The following BNC2 variants were observed in gnomAD, a reference collection of about 807,000 sequenced individuals.
BNC2 encodes the protein basonuclin zinc finger protein 2.
Under a neutral mutation model 76.3 loss-of-function variants are expected in BNC2, and 20 were observed. The observed-to-expected ratio is 0.26, with a 90% CI of 0.18 to 0.38. The LOEUF (loss-of-function observed/expected upper bound fraction) is 0.38. Among genes scored for constraint, BNC2 ranks in the 10% least tolerant of loss-of-function variants. The pLI, the probability that BNC2 is intolerant of heterozygous loss-of-function variation, is 1.00. For missense variants in BNC2, 1,382 were observed against 1,399.8 expected, an observed-to-expected ratio of 0.99 and a Z score of 0.20; for synonymous variants, 582 against 514.8, an observed-to-expected ratio of 1.13 and a Z score of -1.77.
intron 1 of BNC2, among the ~76,000 whole-genome samples, chr9:16,765,115 CCA>C (rs1365626655): frequency 6.6e-6 from 1 of 152,136 alleles, no homozygotes; most frequent in East Asian, 1.9e-4. Context: ...TTTGTACTAT[CCA>C]CACTCTATCG....
At chr9:16,498,634 A>G (rs933708141) in intron 5 of BNC2, among the ~76,000 whole-genome samples, 12 of 151,722 alleles carry the variant, frequency 7.9e-5, no homozygotes, top group African/African-American at 1.7e-4. Flanking sequence ...GTAACCAAAT[A>G]CCACCTGTAC....
Position 16,479,072 on chromosome 9 carries a change from T to C in BNC2, c.670-41548A>G, listed in dbSNP as rs1031853696. ...TTCGAGACCAGCCTGGTCAACATGGTGAAACCCTGTCTCTACCAAAAAAAT... is the reference window on the plus strand; with the variant it reads ...TTCGAGACCAGCCTGGTCAACATGGCGAAACCCTGTCTCTACCAAAAAAAT... On this transcript the variant is annotated intron_variant, in intron 5 of 6. Transcript: ENST00000380672. 1.7e-4 allele frequency among the ~76,000 whole-genome samples: 26 copies of C among 151,876 alleles called. 1 individual carries two copies.
At chr9:16,815,513 T>C (rs1368170525) in intron 1 of BNC2, among the ~76,000 whole-genome samples, 8 of 152,200 alleles carry the variant, frequency 5.3e-5, no homozygotes, top group Non-Finnish European at 1.2e-4. Context: ...GGTATATAGA[T>C]GCAGAATCCC....
At chr9:16,621,169 G>A (rs1395597767) in intron 3 of BNC2, among the ~76,000 whole-genome samples, 3 of 152,096 alleles carry the variant, frequency 2.0e-5, no homozygotes, top group Non-Finnish European at 4.4e-5. Flanking sequence ...GGTGTTTTAT[G>A]GCTATCTTGA....
chr9:16,668,826 G>T (rs117373804), intron 3 of BNC2, among the ~76,000 whole-genome samples: 2,183 of 152,236 alleles, frequency 0.014, 19 homozygotes, highest in Non-Finnish European at 0.025. Context: ...TACAAATACG[G>T]TTTTAATAGA....
At chr9:16,746,678 C>A (rs149401606) in intron 1 of BNC2, among the ~76,000 whole-genome samples, 3 of 150,660 alleles carry the variant, frequency 2.0e-5, no homozygotes, top group African/African-American at 7.3e-5. Flanking sequence ...ACTTAAAATT[C>A]GGCCAGGGGC....
intron 3 of BNC2, among the ~76,000 whole-genome samples, chr9:16,595,633 T>C (rs183768733): frequency 7.2e-5 from 11 of 152,258 alleles, no homozygotes; most frequent in Admixed American, 2.0e-4. Flanking sequence ...CTCAGAGAAA[T>C]TCCACAAATT....
At chr9:16,650,320 T>A (rs1014948718) in intron 3 of BNC2, among the ~76,000 whole-genome samples, 3 of 152,316 alleles carry the variant, frequency 2.0e-5, no homozygotes, top group Non-Finnish European at 2.9e-5. Flanking sequence ...TGAAAGTGCA[T>A]TGTGTCTCAG....
chr9:16,540,882 T>G (rs1818299735), intron 5 of BNC2, among the ~76,000 whole-genome samples: 1 of 152,136 alleles, frequency 6.6e-6, no homozygotes, highest in Non-Finnish European at 1.5e-5. Context: ...ATCTCAGACC[T>G]GAGGAAAAGC....
intron 3 of BNC2, among the ~76,000 whole-genome samples, chr9:16,715,418 G>A (rs868644446): frequency 1.3e-5 from 2 of 152,186 alleles, no homozygotes; most frequent in South Asian, 4.1e-4. Flanking sequence ...GAATTCCCAA[G>A]ATGAATGATC....
intron 3 of BNC2, among the ~76,000 whole-genome samples, chr9:16,639,960 C>T (rs1394189005): frequency 2.6e-5 from 4 of 151,900 alleles, no homozygotes; most frequent in Admixed American, 1.3e-4. Flanking sequence ...TACATTTTTT[C>T]CCCCATTAGT....
intron 5 of BNC2, among the ~76,000 whole-genome samples, chr9:16,476,485 C>T (rs1184847261): frequency 3.3e-5 from 5 of 151,594 alleles, no homozygotes; most frequent in African/African-American, 1.2e-4. Context: ...GACCTCTGCT[C>T]AAAGCTCACT....
chr9:16,500,106 A>C (rs1822487119), intron 5 of BNC2, among the ~76,000 whole-genome samples: 1 of 152,014 alleles, frequency 6.6e-6, no homozygotes, highest in Non-Finnish European at 1.5e-5. Flanking sequence ...CCACTGGCTG[A>C]AACATGTCTC....
At position 16,461,517 on chromosome 9, in the gene BNC2, C is replaced by A. The variant is rs139359197; in HGVS notation, c.670-23993G>T. 9.4e-5 allele frequency among the ~76,000 whole-genome samples: 14 copies of A among 149,546 alleles called. No individual in the cohort carries two copies. The East Asian group carries it at 2.8e-3, about 30-fold the overall frequency. On this transcript the variant is annotated intron_variant, in intron 5 of 6. Coordinates refer to ENST00000380672, the MANE Select transcript of BNC2 (RefSeq NM_017637.6). ...TAAGAGCCTCCTAAGTGAGGCCTCA[C>A]AGATACTTAGACTCTTAATCTACTA... is the stretch of plus-strand genomic sequence containing the variant.
chr9:16,681,713 A>T (rs1822826722), intron 3 of BNC2, among the ~76,000 whole-genome samples: 2 of 152,208 alleles, frequency 1.3e-5, no homozygotes, highest in African/African-American at 4.8e-5. Flanking sequence ...AAAAACATGC[A>T]GTCACTTGAC....
intron 5 of BNC2, among the ~76,000 whole-genome samples, chr9:16,537,871 T>A (rs1264637050): frequency 2.0e-5 from 3 of 152,192 alleles, no homozygotes; most frequent in Admixed American, 2.0e-4. Flanking sequence ...CCCTATACTA[T>A]AGCATTCTTT....
intron 1 of BNC2, among the ~76,000 whole-genome samples, chr9:16,786,284 G>A (rs938738106): frequency 6.6e-6 from 1 of 152,120 alleles, no homozygotes; most frequent in Non-Finnish European, 1.5e-5. Flanking sequence ...GGGAAGGACA[G>A]TCTTAATTAT....
At chr9:16,748,391 TG>T (rs1825071693) in intron 1 of BNC2, among the ~76,000 whole-genome samples, 4 of 152,204 alleles carry the variant, frequency 2.6e-5, no homozygotes, top group Admixed American at 2.6e-4. Flanking sequence ...TACGTGCCAA[TG>T]GTCCCAGCTA....
intron 5 of BNC2, among the ~76,000 whole-genome samples, chr9:16,477,395 A>G (rs1272354963): frequency 6.6e-6 from 1 of 152,068 alleles, no homozygotes; most frequent in East Asian, 1.9e-4. Context: ...AAAGTCCTTG[A>G]TTTTCTTAAC....
Sources: gnomAD v4.1 joint callset for allele counts (sites outside exome capture counted in the v4.1 genomes callset) on GRCh38, gnomAD v4.1.1 for gene constraint, MANE v1.5 for transcripts, NCBI Gene and HGNC (gene_info 2026-07-23, HGNC 2026-07-21) for gene names.